LHX2: variants seen among roughly 807,000 people sequenced by gnomAD.
LHX2 encodes LIM/homeobox protein Lhx2.
A neutral mutation model predicts 33.0 loss-of-function variants in LHX2; 6 were observed. The observed-to-expected ratio is 0.18, with a 90% CI of 0.10 to 0.36. LHX2 has a LOEUF of 0.36. LHX2 is among the 10% of genes least tolerant of loss of function. The pLI is 1.00. For missense variants in LHX2, 442 were observed against 586.2 expected (o/e 0.75, Z 2.54); for synonymous variants, 292 against 253.1 (o/e 1.15, Z -1.46).
chr9:124,017,836 C>T (rs1347379013), intron 3 of LHX2, among the ~76,000 whole-genome samples: 1 of 152,048 alleles, frequency 6.6e-6, no homozygotes, highest in Non-Finnish European at 1.5e-5. Flanking sequence ...GCAGCGGCCT[C>T]TTCCCGCAGC....
rs1859162532 is a variant in LHX2 at position 124,015,159 on chromosome 9, G to A, written c.361G>A (p.Gly121Ser). The A allele has an allele frequency of 6.2e-7, 1 of 1,613,768 alleles. No individual in the cohort carries two copies. Among genetic ancestry groups the A allele is most frequent in the African/African-American group, 1.3e-5 (1 of 74,934 alleles). ...SVQRCARCHLGISASEMVMRA... is the reference protein window; with the variant it reads ...SVQRCARCHLSISASEMVMRA... ...GCAGCGCTGCGCCCGCTGCCACCTG[G>A]GCATCTCGGCCTCGGAGATGGTGAT... is the stretch of plus-strand genomic sequence containing the variant. The change falls in exon 3 of 5, where the codon GGC (glycine) becomes AGC (serine). Residue 121 changes from glycine to serine, a missense_variant. Gly to Ser is a moderately conservative substitution (Grantham distance 56). Coordinates refer to ENST00000373615, the MANE Select transcript of LHX2 (RefSeq NM_004789.4). This position sits in a 1 kb window ranked among gnomAD's most constrained non-coding sequence, Gnocchi z 7.9.
At position 124,016,273 on chromosome 9, in the gene LHX2, G is replaced by A. The variant is rs967503033; in HGVS notation, c.727+748G>A. 7.9e-5 allele frequency among the ~76,000 whole-genome samples: 12 copies of A among 152,092 alleles called. No homozygotes were observed. Among genetic ancestry groups the A allele is most frequent in the Non-Finnish European group, 1.5e-4 (10 of 68,016 alleles). ...GGTGGGGGGCTTGGTTCGGATTTCCGGCATCTTTGAACCCCAGGCCATTCC... is the reference window on the plus strand; with the variant it reads ...GGTGGGGGGCTTGGTTCGGATTTCCAGCATCTTTGAACCCCAGGCCATTCC... On this transcript the variant is annotated intron_variant, in intron 3 of 4. Coordinates refer to ENST00000373615, the MANE Select transcript of LHX2 (RefSeq NM_004789.4). This position sits in a 1 kb window ranked among gnomAD's most constrained non-coding sequence, Gnocchi z 4.4.
intron 3 of LHX2, among the ~76,000 whole-genome samples, chr9:124,017,368 G>A (rs1859209952): frequency 6.6e-6 from 1 of 152,286 alleles, no homozygotes; most frequent in East Asian, 1.9e-4. Flanking sequence ...CGGGGCTCCC[G>A]GGACTAGGTT....
Position 124,014,195 on chromosome 9 carries a change from C to A in LHX2, c.323+32C>A. On this transcript the variant is annotated intron_variant, in intron 2 of 4. Transcript: ENST00000373615. The surrounding 1 kb of genome is among the most constrained non-coding windows in gnomAD (Gnocchi z 4.8). ...CCCCCACCCAACTGCCCCTCAGGAC[C>A]CCTCCCCCCAATCTCAGGCACAGTC... 1 of 1,401,862 alleles carries A rather than the reference C, an allele frequency of 7.1e-7. No homozygotes were observed. Among genetic ancestry groups the A allele is most frequent in the Non-Finnish European group, 9.7e-7 (1 of 1,027,296 alleles). 86.8% of individuals were successfully genotyped at this position (1,401,862 alleles called of 1,614,324 possible).
chr9:124,016,327 C>T lies in LHX2; in HGVS notation c.727+802C>T, dbSNP rs1482368654. Reference sequence around the variant, plus strand: ...AGAAGCTCTGCCCCCTCCCGCGCCCCTCCCTGCTCAGGACAGCTGCAGAGG... The same window carrying T: ...AGAAGCTCTGCCCCCTCCCGCGCCCTTCCCTGCTCAGGACAGCTGCAGAGG... On this transcript the variant is annotated intron_variant, in intron 3 of 4. Coordinates refer to ENST00000373615, the MANE Select transcript of LHX2 (RefSeq NM_004789.4). The surrounding 1 kb of genome is among the most constrained non-coding windows in gnomAD (Gnocchi z 4.4). 2.0e-5 allele frequency among the ~76,000 whole-genome samples: 3 copies of T among 152,184 alleles called. No homozygotes were observed. Among genetic ancestry groups the T allele is most frequent in the Non-Finnish European group, 2.9e-5 (2 of 68,032 alleles).
chr9:124,023,160 T>A (rs1859323955), intron 4 of LHX2, among the ~76,000 whole-genome samples: 1 of 152,222 alleles, frequency 6.6e-6, no homozygotes, highest in Non-Finnish European at 1.5e-5. Context: ...GGCTGCCTTT[T>A]CTCTGCTTAG....
Position 124,014,290 on chromosome 9 carries a change from C to G in LHX2, c.323+127C>G. On this transcript the variant is annotated intron_variant, in intron 2 of 4. Transcript: ENST00000373615. The surrounding 1 kb of genome is among the most constrained non-coding windows in gnomAD (Gnocchi z 4.8). ...TCACTACTCAGGACTCCCCCGCTCC[C>G]CCCCCAAGTTCTCCAAGCCACCACA... 1 of 625,620 alleles carries G rather than the reference C, an allele frequency of 1.6e-6. No homozygotes were observed. Among genetic ancestry groups the G allele is most frequent in the Non-Finnish European group, 3.0e-6 (1 of 335,588 alleles). 38.8% of individuals were successfully genotyped at this position (625,620 alleles called of 1,614,324 possible). A position where few individuals can be genotyped will look rare whatever the true frequency, so the allele number is the denominator to read the frequency against.
intron 1 of LHX2, among the ~76,000 whole-genome samples, chr9:124,013,137 C>T (rs1320835987): frequency 6.6e-6 from 1 of 152,250 alleles, no homozygotes; most frequent in Non-Finnish European, 1.5e-5. Context: ...TCAGGCCTCC[C>T]TGGGGGCCAG....
In LHX2 at chr9:124,020,785, A is replaced by AGCTGTTGTTGCT. The variant is rs1169810001; in HGVS notation, c.728-309_728-298dup. 7.2e-5 allele frequency among the ~76,000 whole-genome samples: 11 copies of AGCTGTTGTTGCT among 151,964 alleles called. No individual in the cohort carries two copies. The East Asian group carries it at 1.9e-3, about 27-fold the overall frequency. ...GTTCAATCGGCCATCAACAAGTCGT[A>AGCTGTTGTTGCT]GCTGTTGTTGCTGCTGCTGCTGCTG... On this transcript the variant is annotated intron_variant, in intron 3 of 4. Coordinates refer to ENST00000373615, the MANE Select transcript of LHX2 (RefSeq NM_004789.4).
Position 124,012,494 on chromosome 9 carries a change from G to A in LHX2, c.120+26G>A. ...GTAGGCGCGCGGCTGTGGGGTCGGGGCTGAGAGCTGGGATGGGGCCGGGCC... is the reference window on the plus strand; with the variant it reads ...GTAGGCGCGCGGCTGTGGGGTCGGGACTGAGAGCTGGGATGGGGCCGGGCC... On this transcript the variant is annotated intron_variant, in intron 1 of 4. Coordinates refer to ENST00000373615, the MANE Select transcript of LHX2 (RefSeq NM_004789.4). This position sits in a 1 kb window ranked among gnomAD's most constrained non-coding sequence, Gnocchi z 4.3. 6.6e-7 allele frequency: 1 copy of A among 1,522,562 alleles called. No homozygotes were observed. Among genetic ancestry groups the A allele is most frequent in the Non-Finnish European group, 8.7e-7 (1 of 1,143,136 alleles). 94.3% of individuals were successfully genotyped at this position (1,522,562 alleles called of 1,614,324 possible). A position where few individuals can be genotyped will look rare whatever the true frequency, so the allele number is the denominator to read the frequency against.
chr9:124,025,586 G>A (rs992147148), intron 4 of LHX2, among the ~76,000 whole-genome samples: 4 of 152,146 alleles, frequency 2.6e-5, no homozygotes, highest in African/African-American at 9.7e-5. Context: ...CTAAGCTTGG[G>A]GAAGTGAGTG....
In LHX2 at chr9:124,015,484, A is replaced by C. The variant is rs747022702; in HGVS notation, c.686A>C (p.Lys229Thr). ...CAGAAGGGGCGGCCGAGGAAACGTA[A>C]GAGCCCGGGCCCCGGTGCGGATCTG... ...TVQKGRPRKR[K>T]SPGPGADLAA... Residue 229 changes from lysine (K) to threonine (T), a missense_variant, in exon 3 of 5, where the codon AAG becomes ACG. Coordinates refer to ENST00000373615, the MANE Select transcript of LHX2 (RefSeq NM_004789.4). The surrounding 1 kb of genome is among the most constrained non-coding windows in gnomAD (Gnocchi z 7.9). The C allele has an allele frequency of 8.1e-6, 12 of 1,487,948 alleles. No homozygotes were observed. The highest frequency in any genetic ancestry group is 8.0e-6 in the Non-Finnish European group (9 of 1,120,044). 92.2% of individuals were successfully genotyped at this position (1,487,948 alleles called of 1,614,324 possible). A position where few individuals can be genotyped will look rare whatever the true frequency, so the allele number is the denominator to read the frequency against.
chr9:124,014,235 T>C lies in LHX2; in HGVS notation c.323+72T>C. ...CAGGCACAGTCTTACAGTTTGGCCC[T>C]CTCCTTTCCGTTTAGTCCCAGGAGA... On this transcript the variant is annotated intron_variant, in intron 2 of 4. Coordinates refer to ENST00000373615, the MANE Select transcript of LHX2 (RefSeq NM_004789.4). This position sits in a 1 kb window ranked among gnomAD's most constrained non-coding sequence, Gnocchi z 4.8. 1 of 1,034,728 alleles carries C rather than the reference T, an allele frequency of 9.7e-7. No individual in the cohort carries two copies. The highest frequency in any genetic ancestry group is 1.4e-6 in the Non-Finnish European group (1 of 694,076). The allele number at this position is 1,034,728 out of a possible 1,614,324, so 64.1% of individuals were successfully genotyped here. A position where few individuals can be genotyped will look rare whatever the true frequency, so the allele number is the denominator to read the frequency against.
intron 4 of LHX2, among the ~76,000 whole-genome samples, chr9:124,029,140 CAAT>C (rs1210310143): frequency 7.3e-5 from 11 of 151,118 alleles, no homozygotes; most frequent in African/African-American, 2.7e-4. Context: ...TAATAATAGT[CAAT>C]AAATAAATCT....
intron 3 of LHX2, among the ~76,000 whole-genome samples, chr9:124,020,087 G>A (rs1445890370): frequency 6.6e-6 from 1 of 152,206 alleles, no homozygotes; most frequent in Non-Finnish European, 1.5e-5. Context: ...AGGCTCAACA[G>A]ATCAAGATCA....
chr9:124,017,892 G>C (rs1367209111), intron 3 of LHX2, among the ~76,000 whole-genome samples: 1 of 151,926 alleles, frequency 6.6e-6, no homozygotes, highest in Non-Finnish European at 1.5e-5. Context: ...CCCCTACCCC[G>C]GGAGGGGCTG....
Position 124,032,359 on chromosome 9 carries a change from C to T in LHX2, c.934-61C>T, listed in dbSNP as rs1220180773. On this transcript the variant is annotated intron_variant, in intron 4 of 4. Coordinates refer to ENST00000373615, the MANE Select transcript of LHX2 (RefSeq NM_004789.4). This position sits in a 1 kb window ranked among gnomAD's most constrained non-coding sequence, Gnocchi z 4.1. ...AGAGGCAGCAGAGCTCTGAGTGAAG[C>T]AGTCGGGGGGATGCTCTGCCTGCCT... 4.0e-6 allele frequency: 6 copies of T among 1,496,310 alleles called. No individual in the cohort carries two copies. In the Admixed American group the frequency reaches 5.9e-5, roughly 15 times the overall value. The allele number at this position is 1,496,310 out of a possible 1,614,324, so 92.7% of individuals were successfully genotyped here. A position where few individuals can be genotyped will look rare whatever the true frequency, so the allele number is the denominator to read the frequency against.
In LHX2 at chr9:124,012,471, AGGCGCGC is replaced by A. The variant is rs1377805753; in HGVS notation, c.120+7_120+13del. 2 of 1,542,124 alleles carry A rather than the reference AGGCGCGC, an allele frequency of 1.3e-6. No homozygotes were observed. Among genetic ancestry groups the A allele is most frequent in the Non-Finnish European group, 1.7e-6 (2 of 1,152,466 alleles). On this transcript the variant is annotated splice_donor_5th_base_variant and intron_variant, in intron 1 of 4. Transcript: ENST00000373615. The surrounding 1 kb of genome is among the most constrained non-coding windows in gnomAD (Gnocchi z 4.3). ...TCGACCGCGGCGACACCGAGACGGT[AGGCGCGC>A]GGCTGTGGGGTCGGGGCTGAGAGCT...
chr9:124,026,827 C>CAGGT (rs2118776886), intron 4 of LHX2, among the ~76,000 whole-genome samples: 1 of 152,270 alleles, frequency 6.6e-6, no homozygotes, highest in African/African-American at 2.4e-5. Context: ...AGCACAGAGA[C>CAGGT]CTGACCTGCT....
Sources: gnomAD v4.1 joint callset for allele counts (sites outside exome capture counted in the v4.1 genomes callset) on GRCh38, gnomAD v4.1.1 for gene constraint, Gnocchi (gnomAD v3.1) non-coding constraint, MANE v1.5 for transcripts, NCBI Gene and HGNC (gene_info 2026-07-23, HGNC 2026-07-21) for gene names.